C8orf74: variants seen among roughly 807,000 people sequenced by gnomAD.
The protein encoded by C8orf74 is chromosome 8 open reading frame 74.
A neutral mutation model predicts 22.2 loss-of-function variants in C8orf74; 29 were observed. The ratio of observed to expected loss-of-function variants is 1.31; its 90% CI spans 0.97 to 1.78. The LOEUF is 1.78. Ranked by LOEUF, C8orf74 falls within the 40% of genes most tolerant of loss-of-function variation. The pLI, the probability that C8orf74 is intolerant of heterozygous loss-of-function variation, is 0.00. For missense variants in C8orf74, 515 were observed against 369.9 expected (o/e 1.39, Z -3.22); for synonymous variants, 255 against 163.1 (o/e 1.56, Z -4.30).
chr8:10,690,680 G>A (rs572182436), intron 2 of C8orf74, among the ~76,000 whole-genome samples: 39 of 152,116 alleles, frequency 2.6e-4, no homozygotes, highest in Non-Finnish European at 4.3e-4. Flanking sequence ...GGGGTGTGGC[G>A]CATCTCCCCC....
intron 2 of C8orf74, among the ~76,000 whole-genome samples, chr8:10,693,944 G>C (rs1799436926): frequency 6.6e-6 from 1 of 152,192 alleles, no homozygotes; most frequent in South Asian, 2.1e-4. Context: ...TCCACCTTTA[G>C]GTGCCAACGA....
chr8:10,681,916 G>A (rs1356200337), intron 2 of C8orf74, among the ~76,000 whole-genome samples: 1 of 152,112 alleles, frequency 6.6e-6, no homozygotes, highest in East Asian at 1.9e-4. Context: ...AGGAAATGCT[G>A]CCCAGGTAGC....
intron 2 of C8orf74, among the ~76,000 whole-genome samples, chr8:10,687,632 A>G (rs921725927): frequency 2.0e-5 from 3 of 151,846 alleles, no homozygotes; most frequent in East Asian, 1.9e-4. Flanking sequence ...AAAAAAAAAA[A>G]AAAAAGAAAG....
intron 2 of C8orf74, among the ~76,000 whole-genome samples, chr8:10,675,320 T>C (rs1487902226): frequency 1.3e-5 from 2 of 151,530 alleles, no homozygotes; most frequent in African/African-American, 4.8e-5. Flanking sequence ...CCTGGCCCTG[T>C]GCAGGGCTTG....
intron 2 of C8orf74, among the ~76,000 whole-genome samples, chr8:10,695,332 C>G (rs1490324262): frequency 1.3e-5 from 2 of 152,148 alleles, no homozygotes; most frequent in Non-Finnish European, 2.9e-5. Context: ...ACCCAGTACC[C>G]TCCCGAGAGG....
At chr8:10,673,430 C>G (rs376455988) in intron 1 of C8orf74, among the ~76,000 whole-genome samples, 20 of 152,162 alleles carry the variant, frequency 1.3e-4, no homozygotes, top group African/African-American at 4.3e-4. Context: ...TCTGAATTTT[C>G]ACCAAGCAAG....
rs1293907807 is a variant in C8orf74, at chr8:10,684,464, C to G, written c.241+9626C>G. ...TTTAAAACATGTGGTCCTGAGCTTG[C>G]CCTCTGAGCCCTAGGCAAGTGACCA... On this transcript the variant is annotated intron_variant, in intron 2 of 3. Coordinates refer to ENST00000304519, the MANE Select transcript of C8orf74 (RefSeq NM_001040032.2). Among the ~76,000 whole-genome samples, 3 of 152,192 alleles carry G rather than the reference C, an allele frequency of 2.0e-5. No individual in the cohort carries two copies. In the East Asian group the frequency reaches 5.8e-4, roughly 29 times the overall value.
At chr8:10,678,245 G>C (rs770265081) in intron 2 of C8orf74, among the ~76,000 whole-genome samples, 9 of 152,186 alleles carry the variant, frequency 5.9e-5, no homozygotes, top group Admixed American at 1.3e-4. Context: ...AGCCTCTGTG[G>C]ACACATCTAG....
At chr8:10,699,397 C>T (rs1253748055) in intron 3 of C8orf74, among the ~76,000 whole-genome samples, 2 of 152,234 alleles carry the variant, frequency 1.3e-5, no homozygotes, top group Non-Finnish European at 2.9e-5. Context: ...ACAAAAACAA[C>T]AAGAGGATAT....
chr8:10,692,142 G>C (rs931814476), intron 2 of C8orf74: 2 of 152,348 alleles, frequency 1.3e-5, no homozygotes, highest in African/African-American at 4.8e-5. Context: ...AGGCCTGCAC[G>C]CTCTGATGCC....
At chr8:10,686,155 A>G (rs570225462) in intron 2 of C8orf74, among the ~76,000 whole-genome samples, 1 of 152,298 alleles carries the variant, frequency 6.6e-6, no homozygotes, top group East Asian at 1.9e-4. Context: ...TAAATCTAAG[A>G]ATGCTAGTGG....
chr8:10,677,733 C>T (rs1281860114), intron 2 of C8orf74, among the ~76,000 whole-genome samples: 1 of 152,106 alleles, frequency 6.6e-6, no homozygotes, highest in Non-Finnish European at 1.5e-5. Flanking sequence ...ACACAGCAAT[C>T]GGTGAGGTGG....
intron 3 of C8orf74, among the ~76,000 whole-genome samples, chr8:10,698,807 G>T (rs774091905): frequency 6.6e-6 from 1 of 152,004 alleles, no homozygotes; most frequent in South Asian, 2.1e-4. Flanking sequence ...TGGGGGAGTT[G>T]CAGGGCCTGT....
intron 2 of C8orf74, among the ~76,000 whole-genome samples, chr8:10,679,687 C>A (rs1158098483): frequency 6.6e-6 from 1 of 152,212 alleles, no homozygotes; most frequent in Non-Finnish European, 1.5e-5. Context: ...GCCACAGCCA[C>A]GGCCTGGCTG....
chr8:10,679,003 G>T (rs913888515), intron 2 of C8orf74, among the ~76,000 whole-genome samples: 1 of 152,186 alleles, frequency 6.6e-6, no homozygotes, highest in African/African-American at 2.4e-5. Flanking sequence ...CCTCCTTCCC[G>T]GGTTCTCCTC....
intron 2 of C8orf74, among the ~76,000 whole-genome samples, chr8:10,676,691 C>A (rs1799039628): frequency 6.6e-6 from 1 of 152,144 alleles, no homozygotes; most frequent in Admixed American, 6.5e-5. Context: ...CTCAGAGATT[C>A]TCGGGACATC....
Position 10,674,804 on chromosome 8 carries a change from C to G in C8orf74, c.207C>G (p.Val69=). 1 of 1,605,418 alleles carries G rather than the reference C, an allele frequency of 6.2e-7. No homozygotes were observed. The highest frequency in any genetic ancestry group is 8.5e-7 in the Non-Finnish European group (1 of 1,176,064). ...CATGGGTGGAGGTGGCCCAGGTGGT[C>G]AAGTTCACAGAAGAGCTGCTAAGGG... ...GFPWVEVAQV[V]KFTEELLRET... is the part of the protein sequence containing the mutation. Residue 69 remains valine, a synonymous_variant, in exon 2 of 4, where the codon GTC becomes GTG. Coordinates refer to ENST00000304519, the MANE Select transcript of C8orf74 (RefSeq NM_001040032.2).
Position 10,700,379 on chromosome 8 carries a change from A to AAACCCCCCCCCCAC in C8orf74, c.793_794insAACCCCCCCCCCAC (p.Ile265LysfsTer20). On this transcript the variant is annotated frameshift_variant, in exon 4 of 4. Transcript: ENST00000304519. LOFTEE classifies it low-confidence loss of function (END_TRUNC). ...TCTGAACCTCAACGCCCCCACCCCTATCCCGCCCCCCATCACCAGCCACGC... is the reference window on the plus strand; with the variant it reads ...TCTGAACCTCAACGCCCCCACCCCTAAACCCCCCCCCCACTCCCGCCCCCCATCACCAGCCACGC... 2 of 1,592,212 alleles carry AAACCCCCCCCCCAC rather than the reference A, an allele frequency of 1.3e-6. No individual in the cohort carries two copies. Among genetic ancestry groups the AAACCCCCCCCCCAC allele is most frequent in the Non-Finnish European group, 1.7e-6 (2 of 1,165,962 alleles).
chr8:10,682,450 C>T (rs185833861), intron 2 of C8orf74, among the ~76,000 whole-genome samples: 3 of 152,186 alleles, frequency 2.0e-5, no homozygotes, highest in Non-Finnish European at 2.9e-5. Context: ...TGGCAGGGCT[C>T]GTTTCTCCCG....
Sources: gnomAD v4.1 joint callset for allele counts (sites outside exome capture counted in the v4.1 genomes callset) on GRCh38, gnomAD v4.1.1 for gene constraint, MANE v1.5 for transcripts, NCBI Gene and HGNC (gene_info 2026-07-23, HGNC 2026-07-21) for gene names.